Variants in TDRP observed in about 807,000 individuals in gnomAD.
TDRP encodes the protein testis development related protein, also known as testis development-related protein.
TDRP carries 12 observed loss-of-function variants against 10.5 expected under a neutral mutation model. The observed-to-expected ratio is 1.15, with a 90% confidence interval of 0.73 to 1.86. The LOEUF (loss-of-function observed/expected upper bound fraction) is 1.86. TDRP is among the 40% of genes most tolerant of loss of function. The pLI is 0.00. For missense variants in TDRP, 353 were observed against 229.2 expected, an observed-to-expected ratio of 1.54 and a Z score of -3.49; for synonymous variants, 139 against 95.4, an observed-to-expected ratio of 1.46 and a Z score of -2.67.
chr8:491,951 C>G lies in TDRP; in HGVS notation c.*448G>C, dbSNP rs999379056. On this transcript the variant is annotated 3_prime_UTR_variant, in exon 3 of 3. Coordinates refer to ENST00000324079, the MANE Select transcript of TDRP (RefSeq NM_001384899.1). Reference sequence around the variant, plus strand: ...AAATTTAACATAACTTTGGAAGATTCATCTTACCTCCTGACTAATTTTCTA... The same window carrying G: ...AAATTTAACATAACTTTGGAAGATTGATCTTACCTCCTGACTAATTTTCTA... 8.9e-6 allele frequency: 10 copies of G among 1,121,114 alleles called. No homozygotes were observed. In the East Asian group the frequency reaches 2.6e-4, roughly 29 times the overall value. 69.4% of individuals were successfully genotyped at this position (1,121,114 alleles called of 1,614,324 possible).
At chr8:528,979 G>C (rs1033541237) in intron 1 of TDRP, among the ~76,000 whole-genome samples, 1 of 152,168 alleles carries the variant, frequency 6.6e-6, no homozygotes, top group South Asian at 2.1e-4. Context: ...GAACTTGGGA[G>C]TCTGATGTTT....
chr8:542,856 TC>T (rs1802535153), intron 1 of TDRP, among the ~76,000 whole-genome samples: 1 of 42,444 alleles, frequency 2.4e-5, no homozygotes, highest in African/African-American at 7.5e-5. Flanking sequence ...AAACTTCATC[TC>T]AAAAAAAAAA....
intron 1 of TDRP, among the ~76,000 whole-genome samples, chr8:521,590 T>C (rs894087941): frequency 2.2e-4 from 34 of 152,348 alleles, no homozygotes; most frequent in Admixed American, 8.5e-4. Flanking sequence ...CATTGTTCTA[T>C]ATGTCCGTGT....
At chr8:512,354 A>G (rs561038213) in intron 1 of TDRP, among the ~76,000 whole-genome samples, 3 of 152,218 alleles carry the variant, frequency 2.0e-5, no homozygotes, top group African/African-American at 7.2e-5. Flanking sequence ...AATCACTTGA[A>G]CCCGGGAGGC....
intron 1 of TDRP, among the ~76,000 whole-genome samples, chr8:514,368 T>G (rs553365071): frequency 6.6e-6 from 1 of 152,272 alleles, no homozygotes; most frequent in East Asian, 1.9e-4. Context: ...AAATAATCTT[T>G]TCAACAAATG....
Position 494,614 on chromosome 8 carries a change from A to G in TDRP, c.109-17T>C. ...TCCCTGAACCTAATAAAAGGTTAAG[A>G]AAAATGTCAAATCTGATGTCATGAA... On this transcript the variant is annotated splice_polypyrimidine_tract_variant and intron_variant, in intron 1 of 2. Transcript: ENST00000324079. 1 of 1,605,186 alleles carries G rather than the reference A, an allele frequency of 6.2e-7. No homozygotes were observed. Among genetic ancestry groups the G allele is most frequent in the Non-Finnish European group, 8.5e-7 (1 of 1,172,502 alleles).
intron 1 of TDRP, among the ~76,000 whole-genome samples, chr8:533,098 T>C (rs1054987333): frequency 1.3e-5 from 2 of 152,210 alleles, no homozygotes; most frequent in East Asian, 1.9e-4. Flanking sequence ...GAGGCTTTTC[T>C]AGCACCATGC....
In TDRP at chr8:543,661, C is replaced by T. The variant is rs541271295; in HGVS notation, c.108+989G>A. ...GCTTAACATAATCGGCTCCATTTTCCATGAGTTAGGAATGGAATTTAACGT... is the reference window on the plus strand; with the variant it reads ...GCTTAACATAATCGGCTCCATTTTCTATGAGTTAGGAATGGAATTTAACGT... On this transcript the variant is annotated intron_variant, in intron 1 of 2. Coordinates refer to ENST00000324079, the MANE Select transcript of TDRP (RefSeq NM_001384899.1). Among the ~76,000 whole-genome samples, 23 of 152,126 alleles carry T rather than the reference C, an allele frequency of 1.5e-4. 1 individual carries two copies. Among genetic ancestry groups the T allele is most frequent in the Admixed American group, 1.3e-3 (20 of 15,278 alleles).
chr8:498,200 C>G (rs1801185837), intron 1 of TDRP, among the ~76,000 whole-genome samples: 1 of 152,170 alleles, frequency 6.6e-6, no homozygotes, highest in Admixed American at 6.5e-5. Flanking sequence ...ACAACTCGAA[C>G]CATGCACCTG....
intron 1 of TDRP, among the ~76,000 whole-genome samples, chr8:515,940 TAC>T (rs1393366383): frequency 4.6e-5 from 7 of 152,064 alleles, no homozygotes; most frequent in African/African-American, 1.4e-4. Flanking sequence ...ATGGCTTTAT[TAC>T]AGTTAGACAA....
chr8:530,303 T>C (rs909675157), intron 1 of TDRP, among the ~76,000 whole-genome samples: 1 of 152,240 alleles, frequency 6.6e-6, no homozygotes, highest in Non-Finnish European at 1.5e-5. Context: ...TTCTTTAAGA[T>C]GATCATTTTG....
intron 1 of TDRP, among the ~76,000 whole-genome samples, chr8:502,475 G>T (rs143534597): frequency 3.3e-5 from 5 of 152,232 alleles, no homozygotes; most frequent in African/African-American, 1.2e-4. Context: ...CAGAGGGGCT[G>T]CTGATCTGAC....
intron 1 of TDRP, among the ~76,000 whole-genome samples, chr8:522,149 C>A (rs1369386760): frequency 1.3e-5 from 2 of 152,204 alleles, no homozygotes; most frequent in African/African-American, 4.8e-5. Context: ...CAAGGTCAGA[C>A]AGTCCCCTAT....
At chr8:533,304 G>A (rs1288656488) in intron 1 of TDRP, among the ~76,000 whole-genome samples, 2 of 152,140 alleles carry the variant, frequency 1.3e-5, no homozygotes, top group Non-Finnish European at 2.9e-5. Flanking sequence ...CACGTCCATC[G>A]CAGCCTCATT....
intron 1 of TDRP, among the ~76,000 whole-genome samples, chr8:514,714 T>C (rs538344244): frequency 6.6e-6 from 1 of 152,124 alleles, no homozygotes; most frequent in African/African-American, 2.4e-5. Flanking sequence ...ATGCAGCCTT[T>C]CCCTGGGACA....
At chr8:524,706 G>C (rs969183270) in intron 1 of TDRP, among the ~76,000 whole-genome samples, 1 of 152,154 alleles carries the variant, frequency 6.6e-6, no homozygotes, top group Non-Finnish European at 1.5e-5. Flanking sequence ...GAATTGATGA[G>C]GCAGAAGAAA....
At chr8:528,525 T>C (rs1258813260) in intron 1 of TDRP, among the ~76,000 whole-genome samples, 2 of 149,720 alleles carry the variant, frequency 1.3e-5, no homozygotes, top group African/African-American at 4.9e-5. Context: ...TCCATCAACA[T>C]CAACATACAA....
chr8:543,869 T>C (rs1029159675), intron 1 of TDRP, among the ~76,000 whole-genome samples: 40 of 139,438 alleles, frequency 2.9e-4, no homozygotes, highest in African/African-American at 1.1e-3. Flanking sequence ...TCCAGAATGC[T>C]GGATTTCTGA....
chr8:528,710 T>C (rs1802101681), intron 1 of TDRP, among the ~76,000 whole-genome samples: 1 of 152,194 alleles, frequency 6.6e-6, no homozygotes, highest in African/African-American at 2.4e-5. Context: ...TATTATGTAT[T>C]ATATGCCTGT....
Sources: gnomAD v4.1 joint callset for allele counts (sites outside exome capture counted in the v4.1 genomes callset) on GRCh38, gnomAD v4.1.1 for gene constraint, MANE v1.5 for transcripts, NCBI Gene and HGNC (gene_info 2026-07-23, HGNC 2026-07-21) for gene names.